The following EPHA3 variants were observed in gnomAD, a reference collection of about 807,000 sequenced individuals.
EPHA3 encodes EPH receptor A3.
EPHA3 carries 42 observed loss-of-function variants against 107.1 expected under a neutral mutation model. That is an observed-to-expected ratio of 0.39 (90% CI 0.31 to 0.51). The LOEUF (loss-of-function observed/expected upper bound fraction) is 0.51. EPHA3 is among the 20% of genes least tolerant of loss of function. The pLI is 0.78. For missense variants in EPHA3, 1,183 were observed against 1,211.2 expected (o/e 0.98, Z 0.35); for synonymous variants, 461 against 424.8 (o/e 1.09, Z -1.05).
intron 13 of EPHA3, among the ~76,000 whole-genome samples, chr3:89,439,466 T>C (rs1035789756): frequency 6.6e-6 from 1 of 152,040 alleles, no homozygotes; most frequent in African/African-American, 2.4e-5. Flanking sequence ...CTCAAAACAA[T>C]TATTAGAATG....
intron 16 of EPHA3, among the ~76,000 whole-genome samples, chr3:89,476,312 A>G (rs1710506110): frequency 6.7e-6 from 1 of 148,456 alleles, no homozygotes; most frequent in Non-Finnish European, 1.5e-5. Flanking sequence ...GAATACACTC[A>G]GGAGGTGCAG....
At chr3:89,418,304 A>T (rs779531483) in intron 10 of EPHA3, among the ~76,000 whole-genome samples, 1 of 151,424 alleles carries the variant, frequency 6.6e-6, no homozygotes, top group Non-Finnish European at 1.5e-5. Context: ...AACAAAGGAC[A>T]TTCTATAGAA....
intron 3 of EPHA3, among the ~76,000 whole-genome samples, chr3:89,313,103 ATAT>A (rs1706805598): frequency 1.3e-5 from 2 of 151,810 alleles, no homozygotes; most frequent in Non-Finnish European, 2.9e-5. Flanking sequence ...ATATACCCAG[ATAT>A]TATTATTTTC....
intron 15 of EPHA3, among the ~76,000 whole-genome samples, chr3:89,460,935 C>A (rs2107566418): frequency 8.0e-6 from 1 of 125,320 alleles, no homozygotes; most frequent in African/African-American, 3.1e-5. Flanking sequence ...ACTAATGTGT[C>A]ATCTAGCATT....
chr3:89,396,277 T>G (rs2107504630), intron 6 of EPHA3, among the ~76,000 whole-genome samples: 1 of 152,372 alleles, frequency 6.6e-6, no homozygotes, highest in South Asian at 2.1e-4. Context: ...TTGTGGTTTC[T>G]TAGTCTATTT....
At chr3:89,475,252 C>A (rs1416798755) in intron 16 of EPHA3, among the ~76,000 whole-genome samples, 2 of 152,142 alleles carry the variant, frequency 1.3e-5, no homozygotes, top group African/African-American at 2.4e-5. Context: ...AGCTTTCTTT[C>A]GGGTTCCTGG....
chr3:89,170,854 A>G (rs1218008663), intron 2 of EPHA3, among the ~76,000 whole-genome samples: 1 of 152,110 alleles, frequency 6.6e-6, no homozygotes, highest in South Asian at 2.1e-4. Flanking sequence ...ATTACCTAGA[A>G]TTAAGTTCAG....
At chr3:89,196,445 C>T (rs1170251016) in intron 2 of EPHA3, among the ~76,000 whole-genome samples, 12 of 152,082 alleles carry the variant, frequency 7.9e-5, no homozygotes, top group African/African-American at 2.7e-4. Flanking sequence ...GATTTCAAGT[C>T]ATCATTTTCA....
At chr3:89,271,774 T>C (rs1182772458) in intron 3 of EPHA3, among the ~76,000 whole-genome samples, 1 of 151,732 alleles carries the variant, frequency 6.6e-6, no homozygotes, top group African/African-American at 2.4e-5. Context: ...TTACTAGAAA[T>C]TAAAAATAGA....
intron 11 of EPHA3, among the ~76,000 whole-genome samples, chr3:89,426,568 T>C (rs867690803): frequency 2.0e-5 from 3 of 151,818 alleles, no homozygotes; most frequent in Middle Eastern, 3.2e-3. Context: ...TTTGACTTAA[T>C]TGACTGGTTT....
chr3:89,310,020 A>G (rs1706725940), intron 3 of EPHA3, among the ~76,000 whole-genome samples: 1 of 152,080 alleles, frequency 6.6e-6, no homozygotes, highest in African/African-American at 2.4e-5. Context: ...ATACCAAGTC[A>G]GGTCTCTGAT....
intron 5 of EPHA3, among the ~76,000 whole-genome samples, chr3:89,387,132 G>A (rs1708637878): frequency 6.6e-6 from 1 of 152,166 alleles, no homozygotes; most frequent in Non-Finnish European, 1.5e-5. Context: ...GCATGATTAT[G>A]TTTTAAAATG....
At chr3:89,284,634 G>T (rs146083293) in intron 3 of EPHA3, among the ~76,000 whole-genome samples, 22 of 151,938 alleles carry the variant, frequency 1.4e-4, no homozygotes, top group Non-Finnish European at 2.6e-4. Flanking sequence ...ATTATTTCCC[G>T]TAATCTATGC....
At chr3:89,469,222 G>A (rs1710353296) in intron 15 of EPHA3, among the ~76,000 whole-genome samples, 2 of 152,100 alleles carry the variant, frequency 1.3e-5, no homozygotes, top group South Asian at 2.1e-4. Context: ...GTGGACAGAA[G>A]TTTGAAGAAT....
At position 89,230,800 on chromosome 3, in the gene EPHA3, TC is replaced by T. The variant is rs1559611102; in HGVS notation, c.814+20281del. Reference sequence around the variant, plus strand: ...CAATATACATATTTCTCTCTCTCTCTCTCTCCCTCTCTCTCTCTCTCTCTCA... The same window carrying T: ...CAATATACATATTTCTCTCTCTCTCTTCTCCCTCTCTCTCTCTCTCTCTCA... On this transcript the variant is annotated intron_variant, in intron 3 of 16. Transcript: ENST00000336596. Among the ~76,000 whole-genome samples, 3 of 141,864 alleles carry T rather than the reference TC, an allele frequency of 2.1e-5. No homozygotes were observed. In the East Asian group the frequency reaches 5.9e-4, roughly 28 times the overall value. The allele number at this position is 141,864 out of a possible 152,430, so 93.1% of individuals were successfully genotyped here.
chr3:89,144,838 G>C (rs1235008720), intron 2 of EPHA3, among the ~76,000 whole-genome samples: 2 of 151,608 alleles, frequency 1.3e-5, no homozygotes, highest in Non-Finnish European at 3.0e-5. Flanking sequence ...TGTTTAATAA[G>C]AGTTGAGGAA....
chr3:89,283,524 C>T (rs531310086), intron 3 of EPHA3, among the ~76,000 whole-genome samples: 8 of 152,144 alleles, frequency 5.3e-5, no homozygotes, highest in East Asian at 3.9e-4. Context: ...TTCTAAAATG[C>T]GACAACTCTT....
At chr3:89,308,139 G>T (rs1183247514) in intron 3 of EPHA3, among the ~76,000 whole-genome samples, 1 of 152,024 alleles carries the variant, frequency 6.6e-6, no homozygotes, top group African/African-American at 2.4e-5. Flanking sequence ...TTGGCTTTGT[G>T]ATAAGTTGTG....
chr3:89,157,324 T>A (rs1704829501), intron 2 of EPHA3, among the ~76,000 whole-genome samples: 1 of 151,990 alleles, frequency 6.6e-6, no homozygotes, highest in Admixed American at 6.6e-5. Flanking sequence ...TAATATAATT[T>A]TCTAGGATCG....
Sources: allele counts gnomAD v4.1 joint callset (sites outside exome capture counted in the v4.1 genomes callset), GRCh38; gene constraint gnomAD v4.1.1; transcripts MANE v1.5; gene names NCBI Gene and HGNC (gene_info 2026-07-23, HGNC 2026-07-21).